The following SYN2 variants were observed in gnomAD, a reference collection of about 807,000 sequenced individuals.
SYN2 encodes synapsin-2.
SYN2 carries 19 observed loss-of-function variants against 50.9 expected under a neutral mutation model. That is an observed-to-expected ratio of 0.37 (90% confidence interval 0.26 to 0.55). SYN2 has a LOEUF of 0.55. SYN2 is among the 20% of genes least tolerant of loss of function. The pLI is 0.81. For synonymous variants in SYN2, 255 were observed against 224.9 expected (o/e 1.13, Z -1.20); for missense variants, 587 against 576.4 (o/e 1.02, Z -0.19).
chr3:12,172,774 C>G (rs34104796), intron 10 of SYN2, among the ~76,000 whole-genome samples: 5,249 of 152,284 alleles, frequency 0.034, 121 homozygotes, highest in South Asian at 0.05. Context: ...GACAAAGACA[C>G]TCCTATCACT....
At chr3:12,023,171 G>A (rs963028574) in intron 1 of SYN2, among the ~76,000 whole-genome samples, 5 of 151,872 alleles carry the variant, frequency 3.3e-5, no homozygotes, top group African/African-American at 1.2e-4. Flanking sequence ...GGTTATGAAA[G>A]TGCTCTGTAA....
chr3:12,134,812 G>C (rs1221871343), intron 1 of SYN2, among the ~76,000 whole-genome samples: 1 of 152,168 alleles, frequency 6.6e-6, no homozygotes, highest in African/African-American at 2.4e-5. Flanking sequence ...GTAGAAATGT[G>C]AGTGCTAGAT....
chr3:12,024,520 T>C (rs1694211820), intron 1 of SYN2, among the ~76,000 whole-genome samples: 1 of 152,232 alleles, frequency 6.6e-6, no homozygotes, highest in East Asian at 1.9e-4. Flanking sequence ...TTGAGCTTTA[T>C]ATAAACGAAA....
At chr3:12,063,557 GA>G (rs2125163768) in intron 1 of SYN2, among the ~76,000 whole-genome samples, 1 of 152,094 alleles carries the variant, frequency 6.6e-6, no homozygotes, top group South Asian at 2.1e-4. Flanking sequence ...ATAAACATGG[GA>G]AAAGGCTAGA....
intron 1 of SYN2, among the ~76,000 whole-genome samples, chr3:12,016,810 C>G (rs1054957596): frequency 2.6e-5 from 4 of 152,026 alleles, no homozygotes; most frequent in African/African-American, 7.2e-5. Context: ...GAGCTGAGAT[C>G]GCGCCACTGC....
At chr3:12,115,840 G>T (rs1025879589) in intron 1 of SYN2, among the ~76,000 whole-genome samples, 20 of 152,250 alleles carry the variant, frequency 1.3e-4, no homozygotes, top group Admixed American at 3.9e-4. Flanking sequence ...CTGATGAATT[G>T]TTGGCTTCCT....
At chr3:12,180,962 G>C (rs1698207194) in intron 10 of SYN2, among the ~76,000 whole-genome samples, 1 of 152,214 alleles carries the variant, frequency 6.6e-6, no homozygotes, top group Admixed American at 6.5e-5. Context: ...TCACTGGATT[G>C]GAAGGAACCT....
chr3:12,142,182 G>A (rs1316139133), intron 3 of SYN2, among the ~76,000 whole-genome samples, 186 bp downstream of exon 3: 1 of 152,182 alleles, frequency 6.6e-6, no homozygotes, highest in Non-Finnish European at 1.5e-5. Context: ...TTCTCGCTGA[G>A]CTTAGTCCAG....
intron 1 of SYN2, among the ~76,000 whole-genome samples, chr3:12,059,878 T>A (rs1198157195): frequency 6.6e-6 from 1 of 152,110 alleles, no homozygotes; most frequent in Non-Finnish European, 1.5e-5. Context: ...ACTGTAAGGA[T>A]GAAAATGAAA....
chr3:12,169,910 A>G lies in SYN2; in HGVS notation c.1308+4A>G. On this transcript the variant is annotated splice_donor_region_variant and intron_variant, in intron 10 of 12. Coordinates refer to ENST00000621198, the MANE Select transcript of SYN2 (RefSeq NM_133625.6). ...CCTAACAACCCAGCAGCCACAGGTA[A>G]GCAGCTAGGAAGAGACATAGCAGAG... The G allele has an allele frequency of 6.2e-7, 1 of 1,603,338 alleles. No individual in the cohort carries two copies. Among genetic ancestry groups the G allele is most frequent in the Middle Eastern group, 1.7e-4 (1 of 6,052 alleles).
chr3:12,094,924 A>G (rs1695898552), intron 1 of SYN2, among the ~76,000 whole-genome samples: 2 of 152,208 alleles, frequency 1.3e-5, no homozygotes, highest in African/African-American at 4.8e-5. Flanking sequence ...AACTGAATTT[A>G]TAAGTCTGGA....
intron 1 of SYN2, among the ~76,000 whole-genome samples, chr3:12,062,177 A>C (rs307596): frequency 6.6e-6 from 1 of 151,760 alleles, no homozygotes; most frequent in South Asian, 2.1e-4. Context: ...GAAACAATAG[A>C]TCTATTTCAA....
intron 7 of SYN2, among the ~76,000 whole-genome samples, chr3:12,162,867 A>G (rs1287424980): frequency 6.6e-6 from 1 of 152,236 alleles, no homozygotes; most frequent in East Asian, 1.9e-4. Context: ...AAAGATTTCA[A>G]AACTACCTGA....
rs1400833324 is a variant in SYN2, at chr3:12,004,591, TTCA to T, written c.43_45del (p.Ile15del). ...GCGGCGCCGGCTGTCGGACAGCAGC[TTCA>T]TCGCCAACCTGCCCAACGGCTACAT... is the stretch of plus-strand genomic sequence containing the variant. On this transcript the variant is annotated inframe_deletion, in exon 1 of 13. Transcript: ENST00000621198. 4.5e-6 allele frequency: 3 copies of T among 667,760 alleles called. No individual in the cohort carries two copies. Among genetic ancestry groups the T allele is most frequent in the Non-Finnish European group, 8.4e-6 (3 of 358,942 alleles). The allele number at this position is 667,760 out of a possible 1,614,324, so 41.4% of individuals were successfully genotyped here. A position where few individuals can be genotyped will look rare whatever the true frequency, so the allele number is the denominator to read the frequency against.
chr3:12,012,621 A>T (rs142903206), intron 1 of SYN2, among the ~76,000 whole-genome samples: 2 of 152,212 alleles, frequency 1.3e-5, no homozygotes, highest in Non-Finnish European at 2.9e-5. Flanking sequence ...GACTTTTAAG[A>T]CCTGGTGCTA....
At chr3:12,158,830 C>A in intron 5 of SYN2, 1 of 1,588,950 alleles carries the variant, frequency 6.3e-7, no homozygotes, top group South Asian at 1.1e-5. Context: ...GGGCCGAGGG[C>A]TCCCAGGCAT....
chr3:12,154,441 G>C (rs764130812), intron 5 of SYN2: 123 of 1,613,954 alleles, frequency 7.6e-5, no homozygotes, highest in Non-Finnish European at 9.2e-5. Flanking sequence ...TTCCATCACT[G>C]AGGACCTGAC....
chr3:12,013,950 T>G (rs1285246718), intron 1 of SYN2, among the ~76,000 whole-genome samples: 1 of 152,190 alleles, frequency 6.6e-6, no homozygotes. Context: ...CTACTACAGT[T>G]TCCCTTCCTC....
At chr3:12,086,160 A>G (rs753672235) in intron 1 of SYN2, among the ~76,000 whole-genome samples, 2 of 152,176 alleles carry the variant, frequency 1.3e-5, no homozygotes, top group Admixed American at 1.3e-4. Flanking sequence ...AGAACCTATT[A>G]AGATGAATCA....
Sources: allele counts gnomAD v4.1 joint callset (sites outside exome capture counted in the v4.1 genomes callset), GRCh38; gene constraint gnomAD v4.1.1; transcripts MANE v1.5; gene names NCBI Gene and HGNC (gene_info 2026-07-23, HGNC 2026-07-21).